PRSS36: variants seen among roughly 807,000 people sequenced by gnomAD.
The protein encoded by PRSS36 is serine protease 36, also known as polyserase-2.
A neutral mutation model predicts 94.3 loss-of-function variants in PRSS36; 90 were observed. That is an observed-to-expected ratio of 0.95 (90% CI 0.80 to 1.14). The LOEUF is 1.14. Ranked by LOEUF, PRSS36 falls within the 50% of genes most tolerant of loss-of-function variation. The probability of loss-of-function intolerance (pLI) is 0.00; values close to 1 mark genes in which losing one functional copy is unlikely to be tolerated. For synonymous variants in PRSS36, 500 were observed against 489.6 expected (o/e 1.02, Z -0.28); for missense variants, 1,158 against 1,135.0 (o/e 1.02, Z -0.29).
Position 31,138,963 on chromosome 16 carries a change from C to A in PRSS36, c.*175G>T. On this transcript the variant is annotated 3_prime_UTR_variant, in exon 15 of 15. Transcript: ENST00000268281. ...CTTTATTGTCCGCTCCTCCCACCAC[C>A]CCCAAGGATTCCTGGGTTCAAAATA... The A allele has an allele frequency of 1.5e-6, 1 of 658,306 alleles. No homozygotes were observed. The allele number at this position is 658,306 out of a possible 1,614,324, so 40.8% of individuals were successfully genotyped here. A position where few individuals can be genotyped will look rare whatever the true frequency, so the allele number is the denominator to read the frequency against.
intron 12 of PRSS36, among the ~76,000 whole-genome samples, 165 bp from the exon 13 acceptor site, chr16:31,140,922 T>G (rs1329400696): frequency 6.6e-6 from 1 of 152,130 alleles, no homozygotes; most frequent in Non-Finnish European, 1.5e-5. Context: ...TGCTGTAAGA[T>G]TCTTCCCTCA....
Position 31,148,561 on chromosome 16 carries a change from G to A in PRSS36, c.387C>T (p.Ala129=). ...TRAVAAIVVP[A]NYSQVELGAD... Reference sequence around the variant, plus strand: ...CGCCCAGCTCCACTTGGCTGTAGTTGGCCGGCACCACGATGGCGGCCACTG... The same window carrying A: ...CGCCCAGCTCCACTTGGCTGTAGTTAGCCGGCACCACGATGGCGGCCACTG... Residue 129 remains alanine, a synonymous_variant, in exon 5 of 15, where the codon GCC becomes GCT. Coordinates refer to ENST00000268281, the MANE Select transcript of PRSS36 (RefSeq NM_173502.5). 1.2e-6 allele frequency: 2 copies of A among 1,608,182 alleles called. No individual in the cohort carries two copies. The highest frequency in any genetic ancestry group is 1.7e-6 in the Non-Finnish European group (2 of 1,178,330).
At chr16:31,140,144 T>G in intron 14 of PRSS36, 150 bp downstream of exon 14, 1 of 725,658 alleles carries the variant, frequency 1.4e-6, no homozygotes, top group Non-Finnish European at 2.0e-6. Context: ...TGAGCCGAGA[T>G]CGCGCCACTG....
chr16:31,142,490 G>A lies in PRSS36; in HGVS notation c.1512C>T (p.Gly504=), dbSNP rs2057716568. 1 of 1,480,354 alleles carries A rather than the reference G, an allele frequency of 6.8e-7. No homozygotes were observed. Among genetic ancestry groups the A allele is most frequent in the East Asian group, 2.6e-5 (1 of 38,540 alleles). 91.7% of individuals were successfully genotyped at this position (1,480,354 alleles called of 1,614,324 possible). A position where few individuals can be genotyped will look rare whatever the true frequency, so the allele number is the denominator to read the frequency against. The change falls in exon 10 of 15, where the codon GGC becomes GGT. Residue 504 remains glycine, a synonymous_variant. Coordinates refer to ENST00000268281, the MANE Select transcript of PRSS36 (RefSeq NM_173502.5). Reference sequence around the variant, plus strand: ...CGCCCCCGCCGCTTACCCAGCAGCTGCCCACCTCCTCCTTTTCCTGGTAGG... The same window carrying A: ...CGCCCCCGCCGCTTACCCAGCAGCTACCCACCTCCTCCTTTTCCTGGTAGG... ...CPAYQEKEEV[G]SCWNDSRWSL...
chr16:31,139,879 CAAAAAAAAA>C (rs71151448), intron 14 of PRSS36, among the ~76,000 whole-genome samples: 2 of 42,502 alleles, frequency 4.7e-5, no homozygotes, highest in African/African-American at 2.1e-4. Context: ...GACTCAGTCT[CAAAAAAAAA>C]AAAAAAAAAA....
chr16:31,147,977 A>G (rs2057822394), intron 5 of PRSS36, among the ~76,000 whole-genome samples: 1 of 152,086 alleles, frequency 6.6e-6, no homozygotes, highest in Admixed American at 6.6e-5. Flanking sequence ...TGTACTATGA[A>G]CTTTACATGG....
intron 3 of PRSS36, 32 bp downstream of exon 3, chr16:31,149,431 A>C: frequency 1.2e-6 from 2 of 1,612,792 alleles, no homozygotes; most frequent in Non-Finnish European, 8.5e-7. Context: ...AGCCTCCTTT[A>C]AGGTCTGAGG....
In PRSS36 at chr16:31,141,711, C is replaced by T; in HGVS notation, c.1759+12G>A. Reference sequence around the variant, plus strand: ...CCCAGGAGCCCCTAGGGCCCAAAAGCGTCCTGCTCACCACCATGCTCTGTG... The same window carrying T: ...CCCAGGAGCCCCTAGGGCCCAAAAGTGTCCTGCTCACCACCATGCTCTGTG... On this transcript the variant is annotated intron_variant, in intron 11 of 14. Coordinates refer to ENST00000268281, the MANE Select transcript of PRSS36 (RefSeq NM_173502.5). The T allele has an allele frequency of 1.2e-6, 2 of 1,608,364 alleles. No homozygotes were observed. Among genetic ancestry groups the T allele is most frequent in the South Asian group, 1.1e-5 (1 of 91,024 alleles).
Position 31,149,192 on chromosome 16 carries a change from T to A in PRSS36, c.153A>T (p.Ser51=). ...AAGGCCAGGTGCCCGGCTGCGCGTTTGAGCCCCCCACGATGCGGGCCGAGG... is the reference window on the plus strand; with the variant it reads ...AAGGCCAGGTGCCCGGCTGCGCGTTAGAGCCCCCCACGATGCGGGCCGAGG... The part of the protein sequence containing the change: ...PEPSARIVGG[S]NAQPGTWPWQ... Residue 51 remains serine, a synonymous_variant, in exon 4 of 15, where the codon TCA becomes TCT. Transcript: ENST00000268281. 1.9e-6 allele frequency: 3 copies of A among 1,570,054 alleles called. No individual in the cohort carries two copies. The highest frequency in any genetic ancestry group is 2.6e-6 in the Non-Finnish European group (3 of 1,158,444).
intron 3 of PRSS36, 27 bp downstream of exon 3, chr16:31,149,436 C>G: frequency 1.2e-6 from 2 of 1,613,676 alleles, no homozygotes; most frequent in Non-Finnish European, 1.7e-6. Context: ...CCTTTAAGGT[C>G]TGAGGGTGCC....
intron 5 of PRSS36, among the ~76,000 whole-genome samples, chr16:31,146,637 G>T (rs879588999): frequency 6.6e-6 from 1 of 152,118 alleles, no homozygotes; most frequent in Non-Finnish European, 1.5e-5. Context: ...ATCCAGAAAG[G>T]AGTAGGGGGT....
At chr16:31,147,637 T>C (rs1233058830) in intron 5 of PRSS36, among the ~76,000 whole-genome samples, 1 of 152,210 alleles carries the variant, frequency 6.6e-6, no homozygotes, top group Non-Finnish European at 1.5e-5. Flanking sequence ...TCTCCTAGGA[T>C]GTAAACTCTG....
chr16:31,143,930 T>TG, intron 6 of PRSS36, 93 bp from the exon 7 acceptor site: 1 of 1,494,406 alleles, frequency 6.7e-7, no homozygotes, highest in Non-Finnish European at 9.1e-7. Flanking sequence ...CACCACCTTC[T>TG]CCCTTCTCCT....
Position 31,143,782 on chromosome 16 carries a change from C to T in PRSS36, c.776G>A (p.Gly259Glu). 6.2e-7 allele frequency: 1 copy of T among 1,614,128 alleles called. No individual in the cohort carries two copies. Among genetic ancestry groups the T allele is most frequent in the Non-Finnish European group, 8.5e-7 (1 of 1,180,036 alleles). Residue 259 changes from glycine to glutamate, a missense_variant, in exon 7 of 15, where the codon GGA becomes GAA. By Grantham distance (98) the Gly-to-Glu change is moderately conservative (BLOSUM62 -2). Transcript: ENST00000268281. ...ACAGCCAAAGCCAAAGCTGGTGATT[C>T]CTGCCTGGAACCAGCGGCCGCCTTC... ...CEEGGRWFQAGITSFGFGCGR... is the reference protein window; with the variant it reads ...CEEGGRWFQAEITSFGFGCGR...
In PRSS36 at chr16:31,140,678, C is replaced by T. The variant is rs2057672285; in HGVS notation, c.1981G>A (p.Val661Ile). 1 of 1,613,948 alleles carries T rather than the reference C, an allele frequency of 6.2e-7. No individual in the cohort carries two copies. The highest frequency in any genetic ancestry group is 8.5e-7 in the Non-Finnish European group (1 of 1,179,976). Reference sequence around the variant, plus strand: ...CGGATGCTGATGACCAAGCGGGATACCTGGTGGCCCTGTGGGAGGGAGCTG... The same window carrying T: ...CGGATGCTGATGACCAAGCGGGATATCTGGTGGCCCTGTGGGAGGGAGCTG... ...GASSLPQGHQ[V>I]SRLVISIRLP... The change falls in exon 13 of 15, where the codon GTA becomes ATA. Residue 661 changes from valine to isoleucine, a missense_variant. Coordinates refer to ENST00000268281, the MANE Select transcript of PRSS36 (RefSeq NM_173502.5).
intron 1 of PRSS36, 42 bp downstream of exon 1, chr16:31,149,957 G>A: frequency 6.2e-7 from 1 of 1,608,566 alleles, no homozygotes; most frequent in Non-Finnish European, 8.5e-7. Context: ...CCAGATGCCA[G>A]GACCCAGGCC....
rs765207409 is a variant in PRSS36, at chr16:31,143,344, C to T, written c.1098G>A (p.Leu366=). 9.4e-6 allele frequency: 15 copies of T among 1,596,956 alleles called. No homozygotes were observed. Among genetic ancestry groups the T allele is most frequent in the Non-Finnish European group, 1.2e-5 (14 of 1,172,432 alleles). Residue 366 remains leucine (L), a splice_region_variant and synonymous_variant, in exon 8 of 15, where the codon CTG becomes CTA. Coordinates refer to ENST00000268281, the MANE Select transcript of PRSS36 (RefSeq NM_173502.5). ...TTGAAACGTAGATTTTCACTCACTC[C>T]AGAAAGCAGCTGGCAGGTGCCAAGA... is the stretch of plus-strand genomic sequence containing the variant. ...SWVLAPASCF[L]DPNSSDSPPR... is the part of the protein sequence containing the mutation.
At chr16:31,146,705 C>T (rs999868801) in intron 5 of PRSS36, among the ~76,000 whole-genome samples, 2 of 152,118 alleles carry the variant, frequency 1.3e-5, no homozygotes, top group Non-Finnish European at 1.5e-5. Context: ...AGGTCAAAGG[C>T]GCGGTGACTC....
intron 6 of PRSS36, among the ~76,000 whole-genome samples, chr16:31,144,636 C>T (rs1323546001): frequency 6.6e-6 from 1 of 151,814 alleles, no homozygotes; most frequent in Admixed American, 6.6e-5. Context: ...TAAATTCACT[C>T]GGCCTTGGCT....
Sources: gnomAD v4.1 joint callset for allele counts (sites outside exome capture counted in the v4.1 genomes callset) on GRCh38, gnomAD v4.1.1 for gene constraint, MANE v1.5 for transcripts, NCBI Gene and HGNC (gene_info 2026-07-23, HGNC 2026-07-21) for gene names.